CDH22: variants seen among roughly 807,000 people sequenced by gnomAD.
CDH22 encodes the protein cadherin-22.
A neutral mutation model predicts 58.4 loss-of-function variants in CDH22; 30 were observed. That is an observed-to-expected ratio of 0.51 (90% confidence interval 0.38 to 0.70). CDH22 has a LOEUF of 0.70. Among genes scored for constraint, CDH22 ranks in the 30% least tolerant of loss-of-function variants. The probability of loss-of-function intolerance (pLI) is 0.00; values close to 1 mark genes in which losing one functional copy is unlikely to be tolerated. For synonymous variants in CDH22, 513 were observed against 558.2 expected, an observed-to-expected ratio of 0.92 and a Z score of 1.14; for missense variants, 1,014 against 1,233.9, an observed-to-expected ratio of 0.82 and a Z score of 2.67.
At chr20:46,196,761 A>G (rs1400419618) in intron 8 of CDH22, among the ~76,000 whole-genome samples, 1 of 152,178 alleles carries the variant, frequency 6.6e-6, no homozygotes, top group African/African-American at 2.4e-5. Flanking sequence ...AGGGGTGAAG[A>G]TTTCATGAGC....
rs1250817479 is a variant in CDH22, at chr20:46,241,381, G to A, written c.256-124C>T. 2.4e-6 allele frequency: 2 copies of A among 837,430 alleles called. No individual in the cohort carries two copies. The highest frequency in any genetic ancestry group is 1.8e-6 in the Non-Finnish European group (1 of 550,192). 51.9% of individuals were successfully genotyped at this position (837,430 alleles called of 1,614,324 possible). A position where few individuals can be genotyped will look rare whatever the true frequency, so the allele number is the denominator to read the frequency against. On this transcript the variant is annotated intron_variant, in intron 2 of 11. Coordinates refer to ENST00000537909, the MANE Select transcript of CDH22 (RefSeq NM_021248.3). This position sits in a 1 kb window ranked among gnomAD's most constrained non-coding sequence, Gnocchi z 5.2. ...CTTCTCCAGCACATACACATCTTTA[G>A]TGAGGACACTGAGGCCCAGCAGCCA...
intron 1 of CDH22, among the ~76,000 whole-genome samples, chr20:46,268,945 G>A (rs2086474736): frequency 6.6e-6 from 1 of 152,178 alleles, no homozygotes; most frequent in South Asian, 2.1e-4. Context: ...GCTGCTTTTG[G>A]ATGTTCAAAT....
Position 46,174,718 on chromosome 20 carries a change from C to A in CDH22, c.2275G>T (p.Asp759Tyr), listed in dbSNP as rs1268932369. 6.4e-7 allele frequency: 1 copy of A among 1,555,940 alleles called. No individual in the cohort carries two copies. Among genetic ancestry groups the A allele is most frequent in the Admixed American group, 1.9e-5 (1 of 53,200 alleles). Residue 759 changes from aspartate to tyrosine, a missense_variant, in exon 12 of 12, where the codon GAC (aspartate) becomes TAC (tyrosine). Around this residue, in one of 2 missense-constraint regions of CDH22, gnomAD observed 208 missense variants for 195.2 expected, o/e 1.07. Coordinates refer to ENST00000537909, the MANE Select transcript of CDH22 (RefSeq NM_021248.3). The surrounding 1 kb of genome is among the most constrained non-coding windows in gnomAD (Gnocchi z 4.4). ...TAGGGCGGCACCGACAGGTCCCCGTCCGCCAGTGCCACCTTGCGGCTGATG... is the reference window on the plus strand; with the variant it reads ...TAGGGCGGCACCGACAGGTCCCCGTACGCCAGTGCCACCTTGCGGCTGATG... ...DFISRKVALA[D>Y]GDLSVPPYDA...
intron 4 of CDH22, 32 bp downstream of exon 4, chr20:46,227,476 G>A (rs771861322): frequency 1.3e-5 from 6 of 479,364 alleles, no homozygotes; most frequent in Non-Finnish European, 2.3e-5. Flanking sequence ...CCCGCCCCAC[G>A]GCTCCGCCTC....
In CDH22 at chr20:46,210,315, C is replaced by G; in HGVS notation, c.1278G>C (p.Arg426=). The change falls in exon 7 of 12, where the codon CGG becomes CGC. Residue 426 remains arginine (R), a synonymous_variant. Transcript: ENST00000537909. This position sits in a 1 kb window ranked among gnomAD's most constrained non-coding sequence, Gnocchi z 4.5. ...VTARDPDAAN[R]PVRYAIDRES... is the part of the protein sequence containing the mutation. ...CCGGGCGGGGGTCTCACCGGACGGG[C>G]CGGTTGGCGGCGTCGGGGTCCCGCG... 6.9e-7 allele frequency: 1 copy of G among 1,444,696 alleles called. No homozygotes were observed. Among genetic ancestry groups the G allele is most frequent in the East Asian group, 3.0e-5 (1 of 33,188 alleles). The allele number at this position is 1,444,696 out of a possible 1,614,324, so 89.5% of individuals were successfully genotyped here.
At chr20:46,254,414 G>A (rs1171616612) in intron 1 of CDH22, among the ~76,000 whole-genome samples, 1 of 152,054 alleles carries the variant, frequency 6.6e-6, no homozygotes, top group Non-Finnish European at 1.5e-5. Context: ...AATTAGCCAG[G>A]CATGGTGGTG....
At chr20:46,249,958 T>C (rs2086358253) in intron 2 of CDH22, among the ~76,000 whole-genome samples, 1 of 152,224 alleles carries the variant, frequency 6.6e-6, no homozygotes. Context: ...AATGATTGCC[T>C]ACTCAGTGCC....
chr20:46,176,721 G>A (rs1029095214), intron 11 of CDH22, among the ~76,000 whole-genome samples: 5 of 152,382 alleles, frequency 3.3e-5, no homozygotes, highest in Middle Eastern at 3.4e-3. Flanking sequence ...GGACAGGCCC[G>A]GAGGGAGGGC....
intron 7 of CDH22, among the ~76,000 whole-genome samples, chr20:46,209,229 G>C (rs942247243): frequency 6.6e-6 from 1 of 152,210 alleles, no homozygotes; most frequent in Non-Finnish European, 1.5e-5. Context: ...GGAAGTGAGA[G>C]AGCGAACTAT....
At chr20:46,226,116 G>A (rs947951454) in intron 4 of CDH22, among the ~76,000 whole-genome samples, 2 of 152,108 alleles carry the variant, frequency 1.3e-5, no homozygotes, top group Admixed American at 1.3e-4. Context: ...GATTGCCGAA[G>A]CCTGAGCTGC....
At chr20:46,230,004 A>G (rs560525146) in intron 3 of CDH22, among the ~76,000 whole-genome samples, 1 of 152,106 alleles carries the variant, frequency 6.6e-6, no homozygotes, top group Admixed American at 6.5e-5. Context: ...CAGCCATTAT[A>G]GTTAATGCCG....
At chr20:46,227,764 C>A (rs1415339683) in intron 3 of CDH22, 137 bp from the exon 4 acceptor site, 2 of 1,264,366 alleles carry the variant, frequency 1.6e-6, no homozygotes, top group Admixed American at 2.3e-5. Flanking sequence ...CAGCCCCTCA[C>A]GGTCCCCATC....
At position 46,251,113 on chromosome 20, in the gene CDH22, T is replaced by TA; in HGVS notation, c.181_182insT (p.Lys61IlefsTer34). 6.2e-7 allele frequency: 1 copy of TA among 1,607,416 alleles called. No individual in the cohort carries two copies. The highest frequency in any genetic ancestry group is 8.5e-7 in the Non-Finnish European group (1 of 1,177,028). On this transcript the variant is annotated frameshift_variant, in exon 2 of 12. Coordinates refer to ENST00000537909, the MANE Select transcript of CDH22 (RefSeq NM_021248.3). LOFTEE classifies it high-confidence loss of function. This position sits in a 1 kb window ranked among gnomAD's most constrained non-coding sequence, Gnocchi z 6.7. ...GAACTGGTTCCACACCCAGCCGCGT[T>TA]TGACGCGGCCGGCTCCCAGCGCGCC...
At chr20:46,288,631 A>C (rs2086586541) in intron 1 of CDH22, among the ~76,000 whole-genome samples, 1 of 152,170 alleles carries the variant, frequency 6.6e-6, no homozygotes. Context: ...ATGAGAACAT[A>C]AATTCAAAAA....
At chr20:46,183,467 C>G (rs1441244760) in intron 10 of CDH22, among the ~76,000 whole-genome samples, 3 of 152,168 alleles carry the variant, frequency 2.0e-5, no homozygotes, top group Non-Finnish European at 4.4e-5. Flanking sequence ...CTCACTCTGT[C>G]TTCCAGGCTG....
rs1332201215 is a variant in CDH22 at position 46,308,090 on chromosome 20, C to G, written c.-400+165G>C. Among the ~76,000 whole-genome samples, 1 of 151,370 alleles carries G rather than the reference C, an allele frequency of 6.6e-6. No homozygotes were observed. Among genetic ancestry groups the G allele is most frequent in the South Asian group, 2.1e-4 (1 of 4,824 alleles). On this transcript the variant is annotated intron_variant, in intron 1 of 11. Transcript: ENST00000537909. The surrounding 1 kb of genome is among the most constrained non-coding windows in gnomAD (Gnocchi z 4.3). ...CGCCCTCCCGGCCGAGAGGAGGGGG[C>G]GCGCAGGGCCGGGCGCAGGCACCCC...
chr20:46,249,454 T>C (rs754803597), intron 2 of CDH22, among the ~76,000 whole-genome samples: 3 of 152,300 alleles, frequency 2.0e-5, no homozygotes, highest in Non-Finnish European at 4.4e-5. Context: ...AATCATTCAT[T>C]CATTCATTCA....
chr20:46,264,852 T>TGCACACACACACACCGTGC (rs1265018686), intron 1 of CDH22, among the ~76,000 whole-genome samples: 20 of 148,072 alleles, frequency 1.4e-4, no homozygotes, highest in African/African-American at 4.4e-4. Context: ...ACACACACCG[T>TGCACACACACACACCGTGC]GCACACACAC....
Position 46,241,247 on chromosome 20 carries a change from T to C in CDH22, c.266A>G (p.Asp89Gly). Reference sequence around the variant, plus strand: ...GATGGCCCCGTCACCCTCGTCTGAGTCGGAGTGGATCTGGGTAGGCAGAGA... The same window carrying C: ...GATGGCCCCGTCACCCTCGTCTGAGCCGGAGTGGATCTGGGTAGGCAGAGA... ...EPLYVGKIHS[D>G]SDEGDGAIKY... The change falls in exon 3 of 12, where the codon GAC becomes GGC. Residue 89 changes from aspartate to glycine, a missense_variant. Around this residue, in one of 2 missense-constraint regions of CDH22, gnomAD observed 806 missense variants for 1,038.7 expected, o/e 0.78. Coordinates refer to ENST00000537909, the MANE Select transcript of CDH22 (RefSeq NM_021248.3). This position sits in a 1 kb window ranked among gnomAD's most constrained non-coding sequence, Gnocchi z 5.2. The C allele has an allele frequency of 1.2e-6, 2 of 1,601,432 alleles. No individual in the cohort carries two copies. The highest frequency in any genetic ancestry group is 1.1e-5 in the South Asian group (1 of 89,450).
Sources: gnomAD v4.1 joint callset for allele counts (sites outside exome capture counted in the v4.1 genomes callset) on GRCh38, gnomAD v4.1.1 for gene constraint, gnomAD v4.1.1 regional missense constraint, Gnocchi (gnomAD v3.1) non-coding constraint, MANE v1.5 for transcripts, NCBI Gene and HGNC (gene_info 2026-07-23, HGNC 2026-07-21) for gene names.